SDCBP2: variants seen among roughly 807,000 people sequenced by gnomAD.
SDCBP2 encodes the protein syndecan binding protein 2.
In SDCBP2, 28 loss-of-function variants were observed where a neutral mutation model predicts 30.7. That is an observed-to-expected ratio of 0.91 (90% confidence interval 0.68 to 1.25). SDCBP2 has a LOEUF of 1.25. Ranked by LOEUF, SDCBP2 falls within the 50% of genes most tolerant of loss-of-function variation. The pLI is 0.00. For synonymous variants in SDCBP2, 166 were observed against 157.3 expected, an observed-to-expected ratio of 1.06 and a Z score of -0.41; for missense variants, 399 against 379.0, an observed-to-expected ratio of 1.05 and a Z score of -0.44.
intron 5 of SDCBP2, 162 bp from the exon 6 acceptor site, chr20:1,312,924 A>G (rs1452390835): frequency 1.3e-6 from 1 of 745,032 alleles, no homozygotes; most frequent in Non-Finnish European, 2.1e-6. Context: ...ACCGGGGAGG[A>G]AACACTCTAG....
intron 4 of SDCBP2, among the ~76,000 whole-genome samples, chr20:1,314,088 T>A (rs902928592): frequency 1.3e-5 from 2 of 152,178 alleles, no homozygotes; most frequent in African/African-American, 4.8e-5. Context: ...AATAAACTCC[T>A]AGACCAAATA....
At chr20:1,316,602 C>A (rs140748074) in intron 4 of SDCBP2, among the ~76,000 whole-genome samples, 33 of 152,280 alleles carry the variant, frequency 2.2e-4, no homozygotes, top group African/African-American at 7.0e-4. Flanking sequence ...GCTGCCCAGG[C>A]TGGTCTCGAA....
intron 8 of SDCBP2, 131 bp downstream of exon 8, chr20:1,310,669 C>T: frequency 2.0e-6 from 2 of 1,006,342 alleles, no homozygotes; most frequent in East Asian, 2.4e-5. Context: ...GAGGATAGAG[C>T]TGGCTGAGCC....
At chr20:1,317,445 G>A (rs1230832010) in intron 4 of SDCBP2, 1 of 152,212 alleles carries the variant, frequency 6.6e-6, no homozygotes, top group Non-Finnish European at 1.5e-5. Context: ...ACGGTTGAAT[G>A]CATTTATGTC....
intron 7 of SDCBP2, among the ~76,000 whole-genome samples, chr20:1,311,399 A>G (rs1409273077): frequency 6.7e-6 from 1 of 149,572 alleles, no homozygotes; most frequent in Non-Finnish European, 1.5e-5. Context: ...CTTGTTTGAT[A>G]AAAAGAGATG....
rs186978209 is a variant in SDCBP2 at position 1,323,253 on chromosome 20, A to G, written c.-19-2818T>C. 3 of 152,270 alleles carry G rather than the reference A, an allele frequency of 2.0e-5. No homozygotes were observed. The East Asian group carries it at 5.8e-4, about 29-fold the overall frequency. 9.4% of individuals were successfully genotyped at this position (152,270 alleles called of 1,614,324 possible). On this transcript the variant is annotated intron_variant, in intron 1 of 8. Coordinates refer to ENST00000360779, the MANE Select transcript of SDCBP2 (RefSeq NM_080489.5). ...CCTGGGGGAAGAGACCCCTTTGCTTATAGCCTTCCCCACTGTGTACACACA... is the reference window on the plus strand; with the variant it reads ...CCTGGGGGAAGAGACCCCTTTGCTTGTAGCCTTCCCCACTGTGTACACACA...
intron 5 of SDCBP2, chr20:1,313,000 C>T (rs906034222): frequency 5.1e-6 from 3 of 585,184 alleles, no homozygotes; most frequent in African/African-American, 3.7e-5. Context: ...CTCCGAAACA[C>T]TCCACTGTAC....
Position 1,312,508 on chromosome 20 carries a change from C to A in SDCBP2, c.561G>T (p.Arg187Ser), listed in dbSNP as rs779951866. Residue 187 changes from arginine (R) to serine (S), a missense_variant and splice_region_variant, in exon 7 of 9, where the codon AGG becomes AGT. Physicochemically the swap from Arg to Ser is moderately radical, Grantham distance 110. Transcript: ENST00000360779. ...GDKIVVVVRDRPFQRTVTMHK... is the reference protein window; with the variant it reads ...GDKIVVVVRDSPFQRTVTMHK... ...GCATGGTGACAGTCCGCTGGAACGG[C>A]CTGGCAGGAGGGACAGTGAGCTGTC... is the stretch of plus-strand genomic sequence containing the variant. The A allele has an allele frequency of 6.2e-7, 1 of 1,614,010 alleles. No individual in the cohort carries two copies. The highest frequency in any genetic ancestry group is 1.1e-5 in the South Asian group (1 of 91,084).
Position 1,320,565 on chromosome 20 carries a change from A to T in SDCBP2, c.-19-130T>A. 1.5e-6 allele frequency: 1 copy of T among 663,186 alleles called. No homozygotes were observed. Among genetic ancestry groups the T allele is most frequent in the Non-Finnish European group, 2.6e-6 (1 of 380,392 alleles). The allele number at this position is 663,186 out of a possible 1,614,324, so 41.1% of individuals were successfully genotyped here. On this transcript the variant is annotated intron_variant, in intron 1 of 8. Coordinates refer to ENST00000360779, the MANE Select transcript of SDCBP2 (RefSeq NM_080489.5). This position sits in a 1 kb window ranked among gnomAD's most constrained non-coding sequence, Gnocchi z 4.7. ...ACAGAAAGGCAGCAGGGCACTTAGA[A>T]TGCCTCCCCGAACTCCACCCCTAAT...
In SDCBP2 at chr20:1,310,497, T is replaced by G; in HGVS notation, c.825-2A>C. 6.2e-7 allele frequency: 1 copy of G among 1,613,642 alleles called. No homozygotes were observed. The highest frequency in any genetic ancestry group is 8.5e-7 in the Non-Finnish European group (1 of 1,179,902). Reference sequence around the variant, plus strand: ...TGGTGGAGCAGGACTGGAGGCAACCTGGATACAGCAACAACAGTGACCAGG... The same window carrying G: ...TGGTGGAGCAGGACTGGAGGCAACCGGGATACAGCAACAACAGTGACCAGG... On this transcript the variant is annotated splice_acceptor_variant, in intron 8 of 8. Transcript: ENST00000360779. LOFTEE classifies it high-confidence loss of function.
In SDCBP2 at chr20:1,320,370, G is replaced by A. The variant is rs1433926580; in HGVS notation, c.47C>T (p.Ala16Val). The change falls in exon 2 of 9, where the codon GCC (alanine) becomes GTC (valine). Residue 16 changes from alanine to valine, a missense_variant. Coordinates refer to ENST00000360779, the MANE Select transcript of SDCBP2 (RefSeq NM_080489.5). The surrounding 1 kb of genome is among the most constrained non-coding windows in gnomAD (Gnocchi z 4.7). Reference sequence around the variant, plus strand: ...TGGGGCCTGGCGACTTACCTGAATGGCTTGGTCCACTTTTAGGTCCTCTAG... The same window carrying A: ...TGGGGCCTGGCGACTTACCTGAATGACTTGGTCCACTTTTAGGTCCTCTAG... ...PSLEDLKVDQ[A>V]IQAQVRASPK... The A allele has an allele frequency of 6.2e-7, 1 of 1,613,906 alleles. No homozygotes were observed. Among genetic ancestry groups the A allele is most frequent in the Admixed American group, 1.7e-5 (1 of 59,996 alleles).
At chr20:1,325,645 C>T (rs958791754) in intron 1 of SDCBP2, 3 of 152,162 alleles carry the variant, frequency 2.0e-5, no homozygotes, top group African/African-American at 7.2e-5. Flanking sequence ...CTCGGAACAC[C>T]ATTTGTAGCC....
At chr20:1,315,399 C>T (rs961334921) in intron 4 of SDCBP2, among the ~76,000 whole-genome samples, 9 of 152,122 alleles carry the variant, frequency 5.9e-5, no homozygotes, top group African/African-American at 2.2e-4. Flanking sequence ...TGTGCTGGAA[C>T]GTGCCTGTGG....
intron 7 of SDCBP2, among the ~76,000 whole-genome samples, chr20:1,312,118 C>T (rs540111700): frequency 1.2e-3 from 18 of 15,522 alleles, no homozygotes; most frequent in Non-Finnish European, 1.6e-3. Flanking sequence ...AGGCTGGTCT[C>T]GTGCTCCTGG....
chr20:1,314,818 C>T (rs1263180225), intron 4 of SDCBP2, among the ~76,000 whole-genome samples: 1 of 151,988 alleles, frequency 6.6e-6, no homozygotes, highest in South Asian at 2.1e-4. Context: ...ATACAGGAAC[C>T]GTATGCTGAA....
chr20:1,318,114 G>A (rs1045063959), intron 4 of SDCBP2: 1 of 607,856 alleles, frequency 1.6e-6, no homozygotes, highest in African/African-American at 1.8e-5. Context: ...AGGCTTGTGG[G>A]AAGATCTGAA....
intron 1 of SDCBP2, among the ~76,000 whole-genome samples, chr20:1,325,245 C>T (rs911614156): frequency 1.5e-4 from 23 of 152,348 alleles, no homozygotes; most frequent in African/African-American, 5.5e-4. Flanking sequence ...CTTTCTTAGC[C>T]CCAAACCAGC....
rs2088645235 is a variant in SDCBP2, at chr20:1,310,505, G to A, written c.825-10C>T. On this transcript the variant is annotated splice_polypyrimidine_tract_variant and intron_variant, in intron 8 of 8. Transcript: ENST00000360779. ...CAGGACTGGAGGCAACCTGGATACA[G>A]CAACAACAGTGACCAGGTTGGCAGC... The A allele has an allele frequency of 6.2e-7, 1 of 1,613,632 alleles. No individual in the cohort carries two copies. The highest frequency in any genetic ancestry group is 2.2e-5 in the East Asian group (1 of 44,878).
At chr20:1,328,833 C>T (rs1000552648) in intron 1 of SDCBP2, among the ~76,000 whole-genome samples, 5 of 152,102 alleles carry the variant, frequency 3.3e-5, no homozygotes, top group Admixed American at 2.6e-4. Context: ...CATGGGCAGT[C>T]AGAAGGCATC....
Sources: gnomAD v4.1 joint callset for allele counts (sites outside exome capture counted in the v4.1 genomes callset) on GRCh38, gnomAD v4.1.1 for gene constraint, Gnocchi (gnomAD v3.1) non-coding constraint, MANE v1.5 for transcripts, NCBI Gene and HGNC (gene_info 2026-07-23, HGNC 2026-07-21) for gene names.